The following GAB1 variants were observed in gnomAD, a reference collection of about 807,000 sequenced individuals.
GAB1 encodes GRB2-associated-binding protein 1.
Under a neutral mutation model 66.5 loss-of-function variants are expected in GAB1, and 19 were observed. That is an observed-to-expected ratio of 0.29 (90% CI 0.20 to 0.42). The LOEUF is 0.42. GAB1 is among the 10% of genes least tolerant of loss of function. GAB1 has a pLI of 1.00. For synonymous variants in GAB1, 294 were observed against 301.4 expected, an observed-to-expected ratio of 0.98 and a Z score of 0.25; for missense variants, 732 against 858.5, an observed-to-expected ratio of 0.85 and a Z score of 1.84.
chr4:143,355,593 C>G (rs1729414001), intron 1 of GAB1, among the ~76,000 whole-genome samples: 1 of 152,138 alleles, frequency 6.6e-6, no homozygotes, highest in Non-Finnish European at 1.5e-5. Context: ...GGTCTTTATG[C>G]AAATACCTTT....
intron 1 of GAB1, among the ~76,000 whole-genome samples, chr4:143,358,569 A>G (rs907517566): frequency 2.0e-5 from 3 of 152,232 alleles, no homozygotes; most frequent in African/African-American, 7.2e-5. Flanking sequence ...ACAAGTACAC[A>G]CATGAAACTA....
chr4:143,373,044 A>ACACAC lies in GAB1; in HGVS notation c.72+35784_72+35785insCACAC, dbSNP rs1560725364. On this transcript the variant is annotated intron_variant, in intron 1 of 9. Coordinates refer to ENST00000262994, the MANE Select transcript of GAB1 (RefSeq NM_002039.4). ...ATCTGAGGATTGAATTTCCTTTAAA[A>ACACAC]ACACACACACACACACACACACACA... Among the ~76,000 whole-genome samples the ACACAC allele has an allele frequency of 3.3e-3, 488 of 148,252 alleles. 1 individual carries two copies. The highest frequency in any genetic ancestry group is 9.2e-3 in the African/African-American group (374 of 40,552).
chr4:143,392,985 C>A (rs372110056), intron 1 of GAB1, among the ~76,000 whole-genome samples: 38 of 152,108 alleles, frequency 2.5e-4, no homozygotes, highest in African/African-American at 9.2e-4. Context: ...ATGTATATGT[C>A]CACAAAGTAC....
At chr4:143,391,967 A>C (rs1731207842) in intron 1 of GAB1, among the ~76,000 whole-genome samples, 2 of 152,228 alleles carry the variant, frequency 1.3e-5, no homozygotes, top group African/African-American at 4.8e-5. Context: ...TGTTGAAAAC[A>C]ATTATAAGAA....
At chr4:143,350,692 A>G (rs919176158) in intron 1 of GAB1, among the ~76,000 whole-genome samples, 2 of 151,644 alleles carry the variant, frequency 1.3e-5, no homozygotes, top group Non-Finnish European at 1.5e-5. Context: ...AAAAAAAAAA[A>G]AAAAAAGAAA....
chr4:143,428,013 G>A (rs906282362), intron 2 of GAB1, among the ~76,000 whole-genome samples: 6 of 152,208 alleles, frequency 3.9e-5, no homozygotes, highest in East Asian at 1.9e-4. Flanking sequence ...TAATAGGGGG[G>A]CCTATGGGGG....
chr4:143,453,899 T>A (rs1735053243), intron 6 of GAB1, among the ~76,000 whole-genome samples: 1 of 152,178 alleles, frequency 6.6e-6, no homozygotes, highest in Admixed American at 6.5e-5. Context: ...CTTACATGGT[T>A]GTTGGGAGGT....
Position 143,433,640 on chromosome 4 carries a change from ACT to A in GAB1, c.520_521del (p.Leu174TrpfsTer28). On this transcript the variant is annotated frameshift_variant, in exon 3 of 10. Coordinates refer to ENST00000262994, the MANE Select transcript of GAB1 (RefSeq NM_002039.4). LOFTEE classifies it high-confidence loss of function. Reference sequence around the variant, plus strand: ...AATCAATGTTCCACCACACCTGGAAACTCTTGGCATTCAGGAGGATCCTCAAG... The same window carrying A: ...AATCAATGTTCCACCACACCTGGAAACTTGGCATTCAGGAGGATCCTCAAG... ...QLINVPPHLE[T>X]LGIQEDPQDY... 1 of 1,613,822 alleles carries A rather than the reference ACT, an allele frequency of 6.2e-7. No homozygotes were observed. The highest frequency in any genetic ancestry group is 8.5e-7 in the Non-Finnish European group (1 of 1,179,900).
intron 8 of GAB1, 107 bp from the exon 9 acceptor site, chr4:143,465,996 C>T: frequency 8.2e-7 from 1 of 1,215,486 alleles, no homozygotes; most frequent in Non-Finnish European, 1.2e-6. Context: ...ACTTTTTAAG[C>T]TATGTCCTCT....
chr4:143,442,731 G>A (rs906134815), intron 6 of GAB1, among the ~76,000 whole-genome samples: 1 of 151,900 alleles, frequency 6.6e-6, no homozygotes, highest in Non-Finnish European at 1.5e-5. Context: ...GTTCTTTAAC[G>A]TAAAAGAACT....
chr4:143,433,939 C>T, intron 3 of GAB1: 1 of 625,436 alleles, frequency 1.6e-6, no homozygotes, highest in Non-Finnish European at 2.7e-6. Context: ...CCATCTTTGG[C>T]AAAGAGCAGT....
Position 143,469,144 on chromosome 4 carries a change from G to C in GAB1, c.2040G>C (p.Gly680=), listed in dbSNP as rs763859429. The C allele has an allele frequency of 7.4e-6, 12 of 1,614,130 alleles. No homozygotes were observed. In the East Asian group the frequency reaches 2.7e-4, roughly 36 times the overall value. The change falls in exon 10 of 10, where the codon GGG becomes GGC. Residue 680 remains glycine, a synonymous_variant. Coordinates refer to ENST00000262994, the MANE Select transcript of GAB1 (RefSeq NM_002039.4). ...GTACCCGGGAAGCCTGGACAGATGG[G>C]AGACAGTCCACAGAATCAGAAACGC... ...LKSTREAWTD[G]RQSTESETPA... is the part of the protein sequence containing the mutation.
intron 1 of GAB1, among the ~76,000 whole-genome samples, chr4:143,403,127 C>T (rs1731859674): frequency 1.3e-5 from 2 of 151,988 alleles, no homozygotes; most frequent in South Asian, 2.1e-4. Flanking sequence ...ACATAGTGTA[C>T]TTGTTTTCTT....
chr4:143,410,528 A>G (rs897938049), intron 1 of GAB1, among the ~76,000 whole-genome samples: 2 of 152,194 alleles, frequency 1.3e-5, no homozygotes, highest in African/African-American at 4.8e-5. Context: ...CCCATACTCT[A>G]GGGTGTGTGA....
intron 1 of GAB1, among the ~76,000 whole-genome samples, chr4:143,377,051 TA>T (rs1364760784): frequency 6.6e-6 from 1 of 151,844 alleles, no homozygotes; most frequent in Non-Finnish European, 1.5e-5. Flanking sequence ...GAGTAAAAGC[TA>T]ACTGATGAAT....
At chr4:143,378,673 C>CTCTCT (rs1730524488) in intron 1 of GAB1, among the ~76,000 whole-genome samples, 1 of 129,222 alleles carries the variant, frequency 7.7e-6, no homozygotes, top group African/African-American at 2.8e-5. Flanking sequence ...CTCTCTCTCT[C>CTCTCT]GTTTTTCTAG....
At chr4:143,405,185 T>G (rs1731978332) in intron 1 of GAB1, among the ~76,000 whole-genome samples, 1 of 152,154 alleles carries the variant, frequency 6.6e-6, no homozygotes, top group Non-Finnish European at 1.5e-5. Flanking sequence ...TCTGAGAGAC[T>G]GGGAAGTCAT....
rs2149755610 is a variant in GAB1 at position 143,438,516 on chromosome 4, AGTAGTTACT to A, written c.1115_1123del (p.Ser372_Cys374del). ...CCCACGCACCGCCTCAGACACTGAC[AGTAGTTACT>A]GTATCCCTACAGCAGGGATGTCGCC... On this transcript the variant is annotated inframe_deletion, in exon 4 of 10. Coordinates refer to ENST00000262994, the MANE Select transcript of GAB1 (RefSeq NM_002039.4). 1 of 1,614,080 alleles carries A rather than the reference AGTAGTTACT, an allele frequency of 6.2e-7. No individual in the cohort carries two copies. The highest frequency in any genetic ancestry group is 8.5e-7 in the Non-Finnish European group (1 of 1,179,984).
At chr4:143,365,311 C>T (rs1466290848) in intron 1 of GAB1, among the ~76,000 whole-genome samples, 2 of 152,180 alleles carry the variant, frequency 1.3e-5, no homozygotes, top group Non-Finnish European at 2.9e-5. Context: ...TACCCCTACT[C>T]TCCATTCACC....
Sources: gnomAD v4.1 joint callset for allele counts (sites outside exome capture counted in the v4.1 genomes callset) on GRCh38, gnomAD v4.1.1 for gene constraint, MANE v1.5 for transcripts, NCBI Gene and HGNC (gene_info 2026-07-23, HGNC 2026-07-21) for gene names.